Variants in ST6GALNAC3 observed in about 807,000 individuals in gnomAD.
ST6GALNAC3 encodes ST6 N-acetylgalactosaminide alpha-2,6-sialyltransferase 3, also known as alpha-N-acetylgalactosaminide alpha-2,6-sialyltransferase 3.
In ST6GALNAC3, 25 loss-of-function variants were observed where a neutral mutation model predicts 32.7. The observed-to-expected ratio is 0.76, with a 90% CI of 0.56 to 1.07. ST6GALNAC3 has a LOEUF of 1.07. Among genes scored for constraint, ST6GALNAC3 ranks in the 50% least tolerant of loss-of-function variants. The pLI, the probability that ST6GALNAC3 is intolerant of heterozygous loss-of-function variation, is 0.00. For missense variants in ST6GALNAC3, 355 were observed against 382.4 expected (o/e 0.93, Z 0.60); for synonymous variants, 129 against 133.1 (o/e 0.97, Z 0.21).
intron 3 of ST6GALNAC3, among the ~76,000 whole-genome samples, chr1:76,580,488 G>C (rs975948070): frequency 2.0e-5 from 3 of 152,126 alleles, no homozygotes; most frequent in Non-Finnish European, 4.4e-5. Context: ...AAAAGTGCCA[G>C]AACACATTAG....
Position 76,589,458 on chromosome 1 carries a change from C to T in ST6GALNAC3, c.624-37994C>T, listed in dbSNP as rs528198115. Among the ~76,000 whole-genome samples, 14 of 152,030 alleles carry T rather than the reference C, an allele frequency of 9.2e-5. No homozygotes were observed. In the South Asian group the frequency reaches 2.9e-3, roughly 32 times the overall value. ...GGCCCACAGGACAAACGTGCCCTGA[C>T]CAGCTTTCCACAATCCCCTTCTGAG... On this transcript the variant is annotated intron_variant, in intron 3 of 4. Coordinates refer to ENST00000328299, the MANE Select transcript of ST6GALNAC3 (RefSeq NM_152996.4).
At chr1:76,392,001 A>T (rs1652600500) in intron 2 of ST6GALNAC3, among the ~76,000 whole-genome samples, 1 of 152,196 alleles carries the variant, frequency 6.6e-6, no homozygotes, top group Non-Finnish European at 1.5e-5. Context: ...TTAGTTTCTC[A>T]ACCTTAGCAC....
chr1:76,486,180 A>C (rs905425677), intron 3 of ST6GALNAC3, among the ~76,000 whole-genome samples: 2 of 152,060 alleles, frequency 1.3e-5, no homozygotes, highest in East Asian at 3.9e-4. Flanking sequence ...CGATGTGGTG[A>C]TGAGAAGAAT....
At chr1:76,506,831 C>T (rs892396263) in intron 3 of ST6GALNAC3, among the ~76,000 whole-genome samples, 8 of 151,994 alleles carry the variant, frequency 5.3e-5, no homozygotes, top group Non-Finnish European at 8.8e-5. Context: ...TAGGGAAGGC[C>T]GTGGAGAAAT....
intron 2 of ST6GALNAC3, among the ~76,000 whole-genome samples, chr1:76,405,435 G>A (rs1653755010): frequency 2.0e-5 from 3 of 152,036 alleles, no homozygotes; most frequent in African/African-American, 4.8e-5. Context: ...AAAGTGCTTG[G>A]CACTTGTCCC....
At position 76,371,104 on chromosome 1, in the gene ST6GALNAC3, T is replaced by G. The variant is rs994749454; in HGVS notation, c.214-40904T>G. ...CAGCACCTAGAACAATACTTGACAA[T>G]AAATGATAATAAATGTGAGAAATGT... On this transcript the variant is annotated intron_variant, in intron 2 of 4. Coordinates refer to ENST00000328299, the MANE Select transcript of ST6GALNAC3 (RefSeq NM_152996.4). Among the ~76,000 whole-genome samples the G allele has an allele frequency of 2.0e-5, 3 of 152,182 alleles. No individual in the cohort carries two copies. The South Asian group carries it at 6.2e-4, about 31-fold the overall frequency.
At chr1:76,475,116 G>A (rs1162640962) in intron 3 of ST6GALNAC3, among the ~76,000 whole-genome samples, 1 of 152,108 alleles carries the variant, frequency 6.6e-6, no homozygotes, top group Non-Finnish European at 1.5e-5. Flanking sequence ...GGTTTCACCT[G>A]GCAGTCAGGA....
At chr1:76,617,072 C>A (rs1648344189) in intron 3 of ST6GALNAC3, among the ~76,000 whole-genome samples, 1 of 152,118 alleles carries the variant, frequency 6.6e-6, no homozygotes, top group Non-Finnish European at 1.5e-5. Context: ...GGTGAAATCA[C>A]CTCAAATCAT....
intron 1 of ST6GALNAC3, among the ~76,000 whole-genome samples, chr1:76,128,369 G>A (rs1252307492): frequency 6.6e-6 from 1 of 152,206 alleles, no homozygotes; most frequent in African/African-American, 2.4e-5. Context: ...CAAGTGGACT[G>A]GCCAAATGCC....
intron 3 of ST6GALNAC3, among the ~76,000 whole-genome samples, chr1:76,578,892 A>G (rs1646850822): frequency 6.6e-6 from 1 of 152,062 alleles, no homozygotes; most frequent in South Asian, 2.1e-4. Flanking sequence ...GCATCTGAGG[A>G]TATACCTATG....
chr1:76,586,124 A>T (rs1409740099), intron 3 of ST6GALNAC3, among the ~76,000 whole-genome samples: 1 of 152,202 alleles, frequency 6.6e-6, no homozygotes, highest in East Asian at 1.9e-4. Flanking sequence ...TTTTCAGAGC[A>T]TGTGGCAGAA....
At chr1:76,118,724 A>C (rs1648653305) in intron 1 of ST6GALNAC3, among the ~76,000 whole-genome samples, 1 of 152,042 alleles carries the variant, frequency 6.6e-6, no homozygotes. Flanking sequence ...TATACTCCTT[A>C]TTTTTCCCCA....
chr1:76,084,291 T>C (rs1252993218), intron 1 of ST6GALNAC3, among the ~76,000 whole-genome samples: 4 of 152,204 alleles, frequency 2.6e-5, no homozygotes, highest in Non-Finnish European at 5.9e-5. Flanking sequence ...CATCTGAGCG[T>C]TTGATGAGCC....
chr1:76,631,570 C>T lies in ST6GALNAC3; in HGVS notation c.*2764C>T, dbSNP rs1649300178. ...CTATTTTGCCATGCACATTTCTGAT[C>T]AATTCCCACAGATTCTGGTCAAATG... is the stretch of plus-strand genomic sequence containing the variant. On this transcript the variant is annotated 3_prime_UTR_variant, in exon 5 of 5. Coordinates refer to ENST00000328299, the MANE Select transcript of ST6GALNAC3 (RefSeq NM_152996.4). 6.6e-6 allele frequency: 1 copy of T among 152,014 alleles called. No homozygotes were observed. The highest frequency in any genetic ancestry group is 6.6e-5 in the Admixed American group (1 of 15,230). The allele number at this position is 152,014 out of a possible 1,614,324, so 9.4% of individuals were successfully genotyped here.
At chr1:76,138,326 A>G (rs1377877034) in intron 1 of ST6GALNAC3, among the ~76,000 whole-genome samples, 1 of 152,210 alleles carries the variant, frequency 6.6e-6, no homozygotes, top group Non-Finnish European at 1.5e-5. Context: ...CAGTGTCCCC[A>G]GAGTGATGTA....
chr1:76,476,971 C>T (rs958791642), intron 3 of ST6GALNAC3, among the ~76,000 whole-genome samples: 1 of 152,044 alleles, frequency 6.6e-6, no homozygotes, highest in African/African-American at 2.4e-5. Flanking sequence ...TCTCTGTGGA[C>T]CCAGGAGTGA....
At chr1:76,592,372 C>T (rs1160242093) in intron 3 of ST6GALNAC3, among the ~76,000 whole-genome samples, 1 of 152,130 alleles carries the variant, frequency 6.6e-6, no homozygotes, top group African/African-American at 2.4e-5. Flanking sequence ...AGAAATGTTT[C>T]TGGCCTACAT....
intron 2 of ST6GALNAC3, among the ~76,000 whole-genome samples, chr1:76,409,086 A>G (rs1286473338): frequency 1.3e-5 from 2 of 152,150 alleles, no homozygotes; most frequent in Non-Finnish European, 2.9e-5. Context: ...TCTTAAATCA[A>G]TGCGTGACCC....
chr1:76,113,023 G>A (rs1648176705), intron 1 of ST6GALNAC3, among the ~76,000 whole-genome samples: 1 of 152,116 alleles, frequency 6.6e-6, no homozygotes, highest in East Asian at 1.9e-4. Flanking sequence ...CCGAGATCAC[G>A]CCACTGCACT....
Sources: allele counts gnomAD v4.1 joint callset (sites outside exome capture counted in the v4.1 genomes callset), GRCh38; gene constraint gnomAD v4.1.1; transcripts MANE v1.5; gene names NCBI Gene and HGNC (gene_info 2026-07-23, HGNC 2026-07-21).